Variants in PTPRD observed in about 807,000 individuals in gnomAD.
PTPRD encodes the protein protein tyrosine phosphatase receptor type D.
A neutral mutation model predicts 214.5 loss-of-function variants in PTPRD; 34 were observed. That is an observed-to-expected ratio of 0.16 (90% CI 0.12 to 0.21). The LOEUF (loss-of-function observed/expected upper bound fraction) is 0.21, where lower values mean the gene tolerates loss of function less well. PTPRD is among the 10% of genes least tolerant of loss of function. The probability of loss-of-function intolerance (pLI) is 1.00; values close to 1 mark genes in which losing one functional copy is unlikely to be tolerated. For synonymous variants in PTPRD, 1,128 were observed against 845.7 expected, an observed-to-expected ratio of 1.33 and a Z score of -5.79; for missense variants, 2,545 against 2,398.7, an observed-to-expected ratio of 1.06 and a Z score of -1.27.
intron 9 of PTPRD, among the ~76,000 whole-genome samples, chr9:9,307,191 T>C (rs1957405900): frequency 6.6e-6 from 1 of 152,196 alleles, no homozygotes; most frequent in Admixed American, 6.5e-5. Context: ...GGCAGTTAGC[T>C]GAAAATTGTT....
intron 11 of PTPRD, among the ~76,000 whole-genome samples, chr9:8,841,455 T>C (rs1334149627): frequency 6.6e-6 from 1 of 152,160 alleles, no homozygotes; most frequent in Non-Finnish European, 1.5e-5. Flanking sequence ...AAAAATGTTG[T>C]GTGGGGGAAG....
intron 35 of PTPRD, among the ~76,000 whole-genome samples, chr9:8,414,936 A>AGAGAGAGAGAGG: frequency 1.2e-5 from 1 of 80,778 alleles, no homozygotes; most frequent in Non-Finnish European, 2.6e-5. Context: ...AGGGGGAGAG[A>AGAGAGAGAGAGG]GAGAGAGAGA....
chr9:8,875,261 C>T (rs1279181272), intron 11 of PTPRD, among the ~76,000 whole-genome samples: 1 of 152,102 alleles, frequency 6.6e-6, no homozygotes, highest in Non-Finnish European at 1.5e-5. Flanking sequence ...CGTGGTAGCC[C>T]ATGCCTATAA....
chr9:9,466,976 C>T (rs961226755), intron 8 of PTPRD, among the ~76,000 whole-genome samples: 3 of 151,928 alleles, frequency 2.0e-5, no homozygotes, highest in South Asian at 2.1e-4. Context: ...TTGATTTAGC[C>T]GAATAGCTGA....
chr9:9,602,202 T>C (rs185083784), intron 7 of PTPRD, among the ~76,000 whole-genome samples: 2 of 152,204 alleles, frequency 1.3e-5, no homozygotes, highest in Non-Finnish European at 1.5e-5. Context: ...AAGAAAACTA[T>C]GTTATCATTA....
chr9:9,799,987 T>G (rs552872698), intron 5 of PTPRD, among the ~76,000 whole-genome samples: 2 of 152,286 alleles, frequency 1.3e-5, no homozygotes, highest in Middle Eastern at 6.8e-3. Context: ...CAAATTTTCA[T>G]TCTCAACTAT....
intron 11 of PTPRD, among the ~76,000 whole-genome samples, chr9:8,888,890 G>C (rs2098513845): frequency 6.6e-6 from 1 of 152,192 alleles, no homozygotes; most frequent in Admixed American, 6.6e-5. Flanking sequence ...GCCCAGAGCA[G>C]CTTATGTAAC....
At chr9:9,279,009 G>A (rs1359628348) in intron 9 of PTPRD, among the ~76,000 whole-genome samples, 1 of 150,882 alleles carries the variant, frequency 6.6e-6, no homozygotes, top group African/African-American at 2.4e-5. Context: ...AACCTGTCCG[G>A]AAAACTATAT....
intron 9 of PTPRD, among the ~76,000 whole-genome samples, chr9:9,253,581 G>C (rs958178812): frequency 3.3e-5 from 5 of 151,990 alleles, no homozygotes; most frequent in African/African-American, 1.2e-4. Flanking sequence ...TTCAGTTTGA[G>C]TGATTTTGAT....
At chr9:9,720,418 C>G (rs2097914846) in intron 7 of PTPRD, among the ~76,000 whole-genome samples, 1 of 152,104 alleles carries the variant, frequency 6.6e-6, no homozygotes, top group Admixed American at 6.6e-5. Context: ...ATGTTCCAAC[C>G]AAGAATATGT....
chr9:8,400,999 T>C (rs2092304503), intron 36 of PTPRD, among the ~76,000 whole-genome samples: 2 of 152,198 alleles, frequency 1.3e-5, no homozygotes, highest in South Asian at 4.1e-4. Flanking sequence ...TCTTCATCTT[T>C]TGGTTTGTCC....
chr9:10,078,729 A>T (rs962539740), intron 3 of PTPRD, among the ~76,000 whole-genome samples: 3 of 152,096 alleles, frequency 2.0e-5, no homozygotes, highest in African/African-American at 7.2e-5. Flanking sequence ...TTGCTGTTTC[A>T]AAATGTGCCT....
At chr9:8,470,912 C>G in intron 31 of PTPRD, 83 bp downstream of exon 31, 1 of 1,250,110 alleles carries the variant, frequency 8.0e-7, no homozygotes, top group Non-Finnish European at 1.2e-6. Flanking sequence ...AGATTAGATC[C>G]TGAAAGGCCT....
chr9:8,883,036 A>G (rs2098459683), intron 11 of PTPRD, among the ~76,000 whole-genome samples: 1 of 152,108 alleles, frequency 6.6e-6, no homozygotes, highest in Admixed American at 6.6e-5. Context: ...TTCCCCCCAC[A>G]GTGAATACTG....
At chr9:8,536,887 T>C (rs2077091016) in intron 14 of PTPRD, among the ~76,000 whole-genome samples, 1 of 152,014 alleles carries the variant, frequency 6.6e-6, no homozygotes, top group Admixed American at 6.6e-5. Context: ...GGCAGAGGAT[T>C]ATCATAGTGT....
intron 10 of PTPRD, among the ~76,000 whole-genome samples, chr9:9,179,556 C>T (rs1022269077): frequency 9.9e-5 from 15 of 152,122 alleles, no homozygotes; most frequent in African/African-American, 3.4e-4. Context: ...TACCCTCTAA[C>T]ATTCTCAATC....
intron 2 of PTPRD, among the ~76,000 whole-genome samples, chr9:10,409,529 C>T (rs998756373): frequency 6.6e-6 from 1 of 151,734 alleles, no homozygotes; most frequent in Non-Finnish European, 1.5e-5. Flanking sequence ...TAAACTCTTA[C>T]TCACTTTTAA....
intron 4 of PTPRD, among the ~76,000 whole-genome samples, chr9:9,972,678 A>C (rs920799844): frequency 2.5e-4 from 38 of 152,318 alleles, no homozygotes; most frequent in African/African-American, 8.7e-4. Flanking sequence ...AGGTGTCAGC[A>C]AAGCTGGTTC....
At chr9:9,430,259 C>A (rs1052984357) in intron 8 of PTPRD, among the ~76,000 whole-genome samples, 5 of 152,038 alleles carry the variant, frequency 3.3e-5, no homozygotes, top group Non-Finnish European at 7.4e-5. Context: ...ACACCAATAA[C>A]AGACAAACAG....
Sources: gnomAD v4.1 joint callset for allele counts (sites outside exome capture counted in the v4.1 genomes callset) on GRCh38, gnomAD v4.1.1 for gene constraint, MANE v1.5 for transcripts, NCBI Gene and HGNC (gene_info 2026-07-23, HGNC 2026-07-21) for gene names.